Variants in APBB2 observed in about 807,000 individuals in gnomAD.
APBB2 encodes the protein amyloid beta precursor protein binding family B member 2, also known as Fe65-like 1.
A neutral mutation model predicts 82.5 loss-of-function variants in APBB2; 38 were observed. The ratio of observed to expected loss-of-function variants is 0.46; its 90% confidence interval spans 0.36 to 0.60. APBB2 has a LOEUF of 0.60. Ranked by LOEUF, APBB2 falls within the 20% of genes least tolerant of loss-of-function variation. The pLI, the probability that APBB2 is intolerant of heterozygous loss-of-function variation, is 0.00. For synonymous variants in APBB2, 341 were observed against 368.2 expected, an observed-to-expected ratio of 0.93 and a Z score of 0.85; for missense variants, 772 against 972.3, an observed-to-expected ratio of 0.79 and a Z score of 2.74.
intron 12 of APBB2, among the ~76,000 whole-genome samples, chr4:40,852,657 C>G (rs1339296487): frequency 2.1e-5 from 3 of 144,582 alleles, no homozygotes; most frequent in Non-Finnish European, 4.6e-5. Flanking sequence ...TTTTTTTTTT[C>G]TGAGACAGTG....
At chr4:41,130,659 C>A (rs2154005637) in intron 2 of APBB2, among the ~76,000 whole-genome samples, 1 of 152,246 alleles carries the variant, frequency 6.6e-6, no homozygotes, top group Middle Eastern at 3.4e-3. Context: ...GCTAACTCTC[C>A]TCCAGCTCTG....
chr4:41,021,280 C>A (rs1811420340), intron 5 of APBB2, among the ~76,000 whole-genome samples: 1 of 152,214 alleles, frequency 6.6e-6, no homozygotes, highest in South Asian at 2.1e-4. Context: ...CCCTATCCAG[C>A]AGGAAGTGGC....
chr4:41,209,218 C>T (rs1192302763), intron 1 of APBB2, among the ~76,000 whole-genome samples: 1 of 152,180 alleles, frequency 6.6e-6, no homozygotes, highest in Non-Finnish European at 1.5e-5. Flanking sequence ...ATAACAACTC[C>T]TCACTGACTC....
chr4:40,918,759 G>T lies in APBB2; in HGVS notation c.1254+15697C>A, dbSNP rs540203240. Among the ~76,000 whole-genome samples, 259 of 83,688 alleles carry T rather than the reference G, an allele frequency of 3.1e-3. 1 individual carries two copies. Among genetic ancestry groups the T allele is most frequent in the African/African-American group, 9.4e-3 (179 of 19,050 alleles). The allele number at this position is 83,688 out of a possible 152,430, so 54.9% of individuals were successfully genotyped here. On this transcript the variant is annotated intron_variant, in intron 10 of 17. Coordinates refer to ENST00000508593, the MANE Select transcript of APBB2 (RefSeq NM_004307.2). ...CTCCCTCCTTCCTTATTTTTTCTCTGTTTTTTTTTTTGTTTGTTTGTTTTT... is the reference window on the plus strand; with the variant it reads ...CTCCCTCCTTCCTTATTTTTTCTCTTTTTTTTTTTTTGTTTGTTTGTTTTT...
intron 5 of APBB2, among the ~76,000 whole-genome samples, chr4:41,020,216 C>G (rs1171482238): frequency 6.6e-6 from 1 of 152,238 alleles, no homozygotes; most frequent in African/African-American, 2.4e-5. Flanking sequence ...CCCGAAAGCA[C>G]TGAAGCCACT....
At chr4:40,848,696 T>C (rs1758381134) in intron 12 of APBB2, among the ~76,000 whole-genome samples, 1 of 152,098 alleles carries the variant, frequency 6.6e-6, no homozygotes, top group African/African-American at 2.4e-5. Context: ...CTGCTTACAA[T>C]TCCCAACCCC....
chr4:41,152,145 A>G (rs192916820), intron 1 of APBB2, among the ~76,000 whole-genome samples: 192 of 151,980 alleles, frequency 1.3e-3, no homozygotes, highest in Non-Finnish European at 2.4e-3. Context: ...AACAGTTCTA[A>G]TATTTCCTTA....
intron 17 of APBB2, among the ~76,000 whole-genome samples, chr4:40,816,776 TTAAG>T (rs779878750): frequency 3.2e-4 from 49 of 152,338 alleles, no homozygotes; most frequent in South Asian, 4.1e-4. Flanking sequence ...GGTGTTATGA[TTAAG>T]TAAGTAATAC....
chr4:41,188,095 G>A (rs1026100008), intron 1 of APBB2, among the ~76,000 whole-genome samples: 1 of 152,144 alleles, frequency 6.6e-6, no homozygotes, highest in African/African-American at 2.4e-5. Flanking sequence ...TGTGATAGGT[G>A]CTTTTAGTTA....
At chr4:41,116,728 ATTGTAT>A (rs1324175697) in intron 2 of APBB2, among the ~76,000 whole-genome samples, 2 of 152,218 alleles carry the variant, frequency 1.3e-5, no homozygotes, top group Non-Finnish European at 2.9e-5. Context: ...AATGTTAATA[ATTGTAT>A]AAATGAGGGG....
intron 12 of APBB2, among the ~76,000 whole-genome samples, chr4:40,838,473 C>G (rs977919596): frequency 1.3e-5 from 2 of 151,584 alleles, no homozygotes; most frequent in Non-Finnish European, 2.9e-5. Context: ...GTAGTTGGGA[C>G]TACAGGCACG....
chr4:40,877,090 T>C (rs1767110952), intron 12 of APBB2, among the ~76,000 whole-genome samples: 1 of 152,250 alleles, frequency 6.6e-6, no homozygotes, highest in Admixed American at 6.5e-5. Context: ...CCACAGTGGC[T>C]CAGCATAAGT....
At chr4:40,927,745 G>C (rs1392337768) in intron 10 of APBB2, among the ~76,000 whole-genome samples, 2 of 152,116 alleles carry the variant, frequency 1.3e-5, no homozygotes. Context: ...GCCTCCCTAG[G>C]TGCTGGGATT....
chr4:40,962,563 G>A (rs904930282), intron 6 of APBB2, among the ~76,000 whole-genome samples: 2 of 152,096 alleles, frequency 1.3e-5, no homozygotes, highest in South Asian at 2.1e-4. Context: ...CCAAGGTACC[G>A]CAAACATGTC....
Position 40,826,120 on chromosome 4 carries a change from A to G in APBB2, c.1733-150T>C, listed in dbSNP as rs143249123. 528 of 654,488 alleles carry G rather than the reference A, an allele frequency of 8.1e-4. 5 individuals carry two copies. In the East Asian group the frequency reaches 0.014, roughly 17 times the overall value. 40.5% of individuals were successfully genotyped at this position (654,488 alleles called of 1,614,324 possible). A position where few individuals can be genotyped will look rare whatever the true frequency, so the allele number is the denominator to read the frequency against. On this transcript the variant is annotated intron_variant, in intron 14 of 17. Coordinates refer to ENST00000508593, the MANE Select transcript of APBB2 (RefSeq NM_004307.2). This position sits in a 1 kb window ranked among gnomAD's most constrained non-coding sequence, Gnocchi z 4.5. ...ATGTAAATGTAACAACTATTCTACAAGAGCAGCATTACTCCAGATATTGGG... is the reference window on the plus strand; with the variant it reads ...ATGTAAATGTAACAACTATTCTACAGGAGCAGCATTACTCCAGATATTGGG...
rs189997876 is a variant in APBB2 at position 41,035,774 on chromosome 4, T to A, written c.-50-2470A>T. Reference sequence around the variant, plus strand: ...GCATCTGTACTGAATATGTACAGACTTTTTTTTCCTTGTCATTATTCCTTC... The same window carrying A: ...GCATCTGTACTGAATATGTACAGACATTTTTTTCCTTGTCATTATTCCTTC... On this transcript the variant is annotated intron_variant, in intron 4 of 17. Coordinates refer to ENST00000508593, the MANE Select transcript of APBB2 (RefSeq NM_004307.2). 7.1e-3 allele frequency among the ~76,000 whole-genome samples: 1,076 copies of A among 152,220 alleles called. 9 individuals are homozygous for A. Among genetic ancestry groups the A allele is most frequent in the Non-Finnish European group, 9.9e-3 (671 of 68,010 alleles).
At chr4:41,050,045 C>T (rs1725369456) in intron 4 of APBB2, among the ~76,000 whole-genome samples, 1 of 152,058 alleles carries the variant, frequency 6.6e-6, no homozygotes, top group Non-Finnish European at 1.5e-5. Flanking sequence ...TATCTGCTGA[C>T]CTTCCCTCCA....
At chr4:40,977,251 CTTTTA>C (rs1797394634) in intron 6 of APBB2, among the ~76,000 whole-genome samples, 1 of 151,396 alleles carries the variant, frequency 6.6e-6, no homozygotes. Flanking sequence ...ATGTAGGTGT[CTTTTA>C]TTTTATTCTT....
intron 17 of APBB2, among the ~76,000 whole-genome samples, chr4:40,821,462 T>C (rs181789474): frequency 6.6e-5 from 10 of 152,262 alleles, no homozygotes; most frequent in Non-Finnish European, 7.3e-5. Flanking sequence ...CAGATATAAA[T>C]AAAATATATA....
Sources: allele counts gnomAD v4.1 joint callset (sites outside exome capture counted in the v4.1 genomes callset), GRCh38; gene constraint gnomAD v4.1.1; non-coding constraint Gnocchi (gnomAD v3.1); transcripts MANE v1.5; gene names NCBI Gene and HGNC (gene_info 2026-07-23, HGNC 2026-07-21).